Variants in AP2M1 observed in about 807,000 individuals in gnomAD.
The protein encoded by AP2M1 is adaptor related protein complex 2 subunit mu 1, also known as AP-2 complex subunit mu.
In AP2M1, 5 loss-of-function variants were observed where a neutral mutation model predicts 54.5. The ratio of observed to expected loss-of-function variants is 0.09; its 90% CI spans 0.05 to 0.19. The LOEUF is 0.19. Ranked by LOEUF, AP2M1 falls within the 10% of genes least tolerant of loss-of-function variation. The pLI, the probability that AP2M1 is intolerant of heterozygous loss-of-function variation, is 1.00. For missense variants in AP2M1, 178 were observed against 580.2 expected (o/e 0.31, Z 7.12); for synonymous variants, 186 against 208.2 (o/e 0.89, Z 0.92).
rs117855395 is a variant in AP2M1, at chr3:184,180,112, T to A, written c.341-57T>A. 812 of 1,567,772 alleles carry A rather than the reference T, an allele frequency of 5.2e-4. 7 individuals carry two copies. The East Asian group carries it at 0.015, about 30-fold the overall frequency. On this transcript the variant is annotated intron_variant, in intron 3 of 11. Transcript: ENST00000292807. The surrounding 1 kb of genome is among the most constrained non-coding windows in gnomAD (Gnocchi z 4.9). The stretch of plus-strand genomic sequence containing the variant: ...TGCCGGTCAGATGTGTAGGCCCAAG[T>A]AGGGGCTGGAATGAAGAAGCTCTGT...
At position 184,182,344 on chromosome 3, in the gene AP2M1, T is replaced by C. The variant is rs2109032023; in HGVS notation, c.1061+96T>C. 7.5e-7 allele frequency: 1 copy of C among 1,341,020 alleles called. No homozygotes were observed. 83.1% of individuals were successfully genotyped at this position (1,341,020 alleles called of 1,614,324 possible). A position where few individuals can be genotyped will look rare whatever the true frequency, so the allele number is the denominator to read the frequency against. ...TCCTTCTGAATGAGGGGCAGGGGAG[T>C]GTGCCTGTTTGCTTTTCTAGGAGCC... is the stretch of plus-strand genomic sequence containing the variant. On this transcript the variant is annotated intron_variant, in intron 10 of 11. Transcript: ENST00000292807. The surrounding 1 kb of genome is among the most constrained non-coding windows in gnomAD (Gnocchi z 5.5).
At position 184,182,013 on chromosome 3, in the gene AP2M1, A is replaced by G; in HGVS notation, c.929A>G (p.Asn310Ser). The part of the protein sequence containing the change: ...KLEVKVVIKS[N>S]FKPSLLAQKI... ...GAGGTCAAGGTGGTCATCAAGTCCA[A>G]CTTTAAACCCTCACTGCTGGCTCAG... Residue 310 changes from asparagine (N) to serine (S), a missense_variant, in exon 9 of 12, where the codon AAC (asparagine) becomes AGC (serine). Physicochemically the swap from Asn to Ser is conservative, Grantham distance 46. This residue lies in a region of AP2M1 where 59 missense variants were observed against 176.8 expected (regional missense o/e 0.33). Coordinates refer to ENST00000292807, the MANE Select transcript of AP2M1 (RefSeq NM_004068.4). This position sits in a 1 kb window ranked among gnomAD's most constrained non-coding sequence, Gnocchi z 5.5. 6.2e-7 allele frequency: 1 copy of G among 1,614,092 alleles called. No homozygotes were observed. The highest frequency in any genetic ancestry group is 8.5e-7 in the Non-Finnish European group (1 of 1,179,986).
Position 184,182,427 on chromosome 3 carries a change from G to T in AP2M1, c.1061+179G>T. 1.5e-6 allele frequency: 1 copy of T among 662,962 alleles called. No homozygotes were observed. The highest frequency in any genetic ancestry group is 2.5e-6 in the Non-Finnish European group (1 of 394,988). The allele number at this position is 662,962 out of a possible 1,614,324, so 41.1% of individuals were successfully genotyped here. A position where few individuals can be genotyped will look rare whatever the true frequency, so the allele number is the denominator to read the frequency against. The stretch of plus-strand genomic sequence containing the variant: ...GTGAGTATGTACACGCCTGCATTTG[G>T]GTTCATGCACGTGCTTATTTTTTAA... On this transcript the variant is annotated intron_variant, in intron 10 of 11. Coordinates refer to ENST00000292807, the MANE Select transcript of AP2M1 (RefSeq NM_004068.4). This position sits in a 1 kb window ranked among gnomAD's most constrained non-coding sequence, Gnocchi z 5.5.
chr3:184,176,166 T>C (rs535327642), intron 1 of AP2M1, among the ~76,000 whole-genome samples: 2 of 152,194 alleles, frequency 1.3e-5, no homozygotes, highest in South Asian at 4.1e-4. Flanking sequence ...TTCTTAATTT[T>C]ATGAGCCTGC....
rs768599164 is a variant in AP2M1, at chr3:184,180,278, A to G, written c.423+27A>G. 6.2e-6 allele frequency: 10 copies of G among 1,611,632 alleles called. No homozygotes were observed. The highest frequency in any genetic ancestry group is 1.7e-6 in the Non-Finnish European group (2 of 1,178,156). On this transcript the variant is annotated intron_variant, in intron 4 of 11. Transcript: ENST00000292807. The surrounding 1 kb of genome is among the most constrained non-coding windows in gnomAD (Gnocchi z 4.9). ...TACTTGAATTGTGCAGACTATAGTC[A>G]GGGTGGAGTCCAATCTCCCTTCATC...
At chr3:184,176,622 G>A (rs958294080) in intron 1 of AP2M1, among the ~76,000 whole-genome samples, 5 of 151,872 alleles carry the variant, frequency 3.3e-5, no homozygotes, top group African/African-American at 9.7e-5. Context: ...GAGCCCGAGA[G>A]TCTGCACAGG....
At position 184,183,420 on chromosome 3, in the gene AP2M1, C is replaced by A; in HGVS notation, c.1174-62C>A. Reference sequence around the variant, plus strand: ...GATGAAGTAGGGCAGGGCAACGGGACTTCCCAGAGGAGAGCGGCTGTAAGA... The same window carrying A: ...GATGAAGTAGGGCAGGGCAACGGGAATTCCCAGAGGAGAGCGGCTGTAAGA... On this transcript the variant is annotated intron_variant, in intron 11 of 11. Coordinates refer to ENST00000292807, the MANE Select transcript of AP2M1 (RefSeq NM_004068.4). This position sits in a 1 kb window ranked among gnomAD's most constrained non-coding sequence, Gnocchi z 5.7. 1 of 1,601,934 alleles carries A rather than the reference C, an allele frequency of 6.2e-7. No homozygotes were observed. Among genetic ancestry groups the A allele is most frequent in the South Asian group, 1.1e-5 (1 of 90,250 alleles).
At position 184,182,136 on chromosome 3, in the gene AP2M1, G is replaced by A. The variant is rs1715295074; in HGVS notation, c.964-15G>A. On this transcript the variant is annotated splice_polypyrimidine_tract_variant and intron_variant, in intron 9 of 11. Transcript: ENST00000292807. The surrounding 1 kb of genome is among the most constrained non-coding windows in gnomAD (Gnocchi z 5.5). The stretch of plus-strand genomic sequence containing the variant: ...ACAGCTTGACAGAGCTCCCTGACAG[G>A]TGTGTCACTTCTAGGTGAGGATCCC... 2 of 1,613,578 alleles carry A rather than the reference G, an allele frequency of 1.2e-6. No homozygotes were observed.
In AP2M1 at chr3:184,183,181, G is replaced by A. The variant is rs73185736; in HGVS notation, c.1174-301G>A. On this transcript the variant is annotated intron_variant, in intron 11 of 11. Transcript: ENST00000292807. The surrounding 1 kb of genome is among the most constrained non-coding windows in gnomAD (Gnocchi z 5.7). ...AATGGGCTGACTTTGCTTTGCGCAT[G>A]TTAGACATAATTTTCTCCACCTTAT... 6,341 of 551,674 alleles carry A rather than the reference G, an allele frequency of 0.011. 56 individuals are homozygous for A. The highest frequency in any genetic ancestry group is 0.015 in the Non-Finnish European group (4,611 of 308,228). The allele number at this position is 551,674 out of a possible 1,614,324, so 34.2% of individuals were successfully genotyped here.
chr3:184,177,119 C>T (rs1186228715), intron 2 of AP2M1, 52 bp downstream of exon 2: 11 of 1,564,270 alleles, frequency 7.0e-6, no homozygotes, highest in Admixed American at 1.7e-5. Context: ...CCCCCCAGCC[C>T]CAGCATACAG....
intron 2 of AP2M1, chr3:184,177,426 G>A: frequency 3.2e-6 from 3 of 940,370 alleles, no homozygotes; most frequent in Admixed American, 2.3e-5. Context: ...GGCCACGCTG[G>A]AGGCACTAAT....
At position 184,180,042 on chromosome 3, in the gene AP2M1, T is replaced by C; in HGVS notation, c.341-127T>C. ...AATCACAGAATAAATGCTACAAAGC[T>C]AGAAGACTTTCTTGCGGATGATCCC... On this transcript the variant is annotated intron_variant, in intron 3 of 11. Coordinates refer to ENST00000292807, the MANE Select transcript of AP2M1 (RefSeq NM_004068.4). This position sits in a 1 kb window ranked among gnomAD's most constrained non-coding sequence, Gnocchi z 4.9. 1.3e-6 allele frequency: 1 copy of C among 766,996 alleles called. No individual in the cohort carries two copies. Among genetic ancestry groups the C allele is most frequent in the Non-Finnish European group, 2.2e-6 (1 of 458,306 alleles). 47.5% of individuals were successfully genotyped at this position (766,996 alleles called of 1,614,324 possible). A position where few individuals can be genotyped will look rare whatever the true frequency, so the allele number is the denominator to read the frequency against.
At chr3:184,175,657 G>C (rs181001266) in intron 1 of AP2M1, among the ~76,000 whole-genome samples, 1 of 152,220 alleles carries the variant, frequency 6.6e-6, no homozygotes, top group African/African-American at 2.4e-5. Context: ...GCTGCTGTGG[G>C]CTCACCTGAG....
In AP2M1 at chr3:184,183,419, A is replaced by C; in HGVS notation, c.1174-63A>C. ...CGATGAAGTAGGGCAGGGCAACGGG[A>C]CTTCCCAGAGGAGAGCGGCTGTAAG... On this transcript the variant is annotated intron_variant, in intron 11 of 11. Coordinates refer to ENST00000292807, the MANE Select transcript of AP2M1 (RefSeq NM_004068.4). The surrounding 1 kb of genome is among the most constrained non-coding windows in gnomAD (Gnocchi z 5.7). 6.2e-7 allele frequency: 1 copy of C among 1,601,696 alleles called. No individual in the cohort carries two copies. The highest frequency in any genetic ancestry group is 8.5e-7 in the Non-Finnish European group (1 of 1,172,758).
Position 184,179,134 on chromosome 3 carries a change from G to T in AP2M1, c.340+12G>T. 1.2e-6 allele frequency: 2 copies of T among 1,609,686 alleles called. No individual in the cohort carries two copies. The highest frequency in any genetic ancestry group is 8.5e-7 in the Non-Finnish European group (1 of 1,176,384). On this transcript the variant is annotated intron_variant, in intron 3 of 11. Transcript: ENST00000292807. ...TGAGCTGCTGGATGGTGAGGCTGGC[G>T]GGCTGGCACGGCAGCGGGCGTAGGG...
rs926014207 is a variant in AP2M1 at position 184,180,418 on chromosome 3, C to T, written c.423+167C>T. The T allele has an allele frequency of 2.8e-6, 3 of 1,054,566 alleles. No individual in the cohort carries two copies. The African/African-American group carries it at 4.8e-5, about 17-fold the overall frequency. The allele number at this position is 1,054,566 out of a possible 1,614,324, so 65.3% of individuals were successfully genotyped here. A position where few individuals can be genotyped will look rare whatever the true frequency, so the allele number is the denominator to read the frequency against. On this transcript the variant is annotated intron_variant, in intron 4 of 11. Coordinates refer to ENST00000292807, the MANE Select transcript of AP2M1 (RefSeq NM_004068.4). This position sits in a 1 kb window ranked among gnomAD's most constrained non-coding sequence, Gnocchi z 4.9. ...CCGATTTTGCTCTGTGTGGTCCTCC[C>T]ACTGCAGGAGCAGCCAATTCAGCAT...
Position 184,182,683 on chromosome 3 carries a change from T to C in AP2M1, c.1062-74T>C. ...TCCTGCAAGCTCCTGGGCTCTCTCC[T>C]TGCTTGAAATGGGCAACTGCCCTTG... On this transcript the variant is annotated intron_variant, in intron 10 of 11. Coordinates refer to ENST00000292807, the MANE Select transcript of AP2M1 (RefSeq NM_004068.4). This position sits in a 1 kb window ranked among gnomAD's most constrained non-coding sequence, Gnocchi z 5.5. 4 of 1,354,816 alleles carry C rather than the reference T, an allele frequency of 3.0e-6. No homozygotes were observed. Among genetic ancestry groups the C allele is most frequent in the Non-Finnish European group, 4.2e-6 (4 of 957,676 alleles). 83.9% of individuals were successfully genotyped at this position (1,354,816 alleles called of 1,614,324 possible). A position where few individuals can be genotyped will look rare whatever the true frequency, so the allele number is the denominator to read the frequency against.
At chr3:184,177,654 T>C (rs147769876) in intron 2 of AP2M1, 455 of 1,506,784 alleles carry the variant, frequency 3.0e-4, no homozygotes, top group Non-Finnish European at 3.9e-4. Context: ...AGGGAAGCCA[T>C]GCTACCCTCT....
At chr3:184,179,349 T>A (rs1396841132) in intron 3 of AP2M1, 3 of 565,228 alleles carry the variant, frequency 5.3e-6, no homozygotes, top group Non-Finnish European at 9.3e-6. Flanking sequence ...CAGGTGATCT[T>A]CCAAGGGGCT....
Sources: gnomAD v4.1 joint callset for allele counts (sites outside exome capture counted in the v4.1 genomes callset) on GRCh38, gnomAD v4.1.1 for gene constraint, gnomAD v4.1.1 regional missense constraint, Gnocchi (gnomAD v3.1) non-coding constraint, MANE v1.5 for transcripts, NCBI Gene and HGNC (gene_info 2026-07-23, HGNC 2026-07-21) for gene names.